GALNTL5: variants seen among roughly 807,000 people sequenced by gnomAD.
GALNTL5 encodes the protein polypeptide N-acetylgalactosaminyltransferase like 5, also known as inactive polypeptide N-acetylgalactosaminyltransferase-like protein 5.
GALNTL5 carries 44 observed loss-of-function variants against 51.0 expected under a neutral mutation model. That is an observed-to-expected ratio of 0.86 (90% CI 0.68 to 1.11). GALNTL5 has a LOEUF of 1.11. Ranked by LOEUF, GALNTL5 falls within the 50% of genes least tolerant of loss-of-function variation. The pLI is 0.00. For synonymous variants in GALNTL5, 192 were observed against 182.8 expected (o/e 1.05, Z -0.41); for missense variants, 528 against 531.8 (o/e 0.99, Z 0.07).
At chr7:151,999,941 C>T (rs2081550353) in intron 5 of GALNTL5, among the ~76,000 whole-genome samples, 1 of 152,168 alleles carries the variant, frequency 6.6e-6, no homozygotes, top group South Asian at 2.1e-4. Flanking sequence ...TGAGATGGCT[C>T]AGCCAGATTG....
chr7:152,008,063 C>T, intron 7 of GALNTL5, 119 bp downstream of exon 7: 2 of 635,114 alleles, frequency 3.1e-6, no homozygotes, highest in Non-Finnish European at 5.6e-6. Flanking sequence ...ATTCCAGCAG[C>T]ACATGCAATA....
intron 3 of GALNTL5, among the ~76,000 whole-genome samples, chr7:151,981,911 G>A (rs1563010419): frequency 1.3e-5 from 2 of 150,908 alleles, no homozygotes; most frequent in African/African-American, 4.9e-5. Context: ...GCCTCCCAAA[G>A]TGCCAGGATT....
At chr7:151,970,719 C>A (rs2049752) in intron 2 of GALNTL5, 51,030 of 311,980 alleles carry the variant, frequency 0.16, 4,611 homozygotes, top group South Asian at 0.25. Context: ...AAATAAATCT[C>A]TTTTCTTTAT....
At chr7:151,994,799 C>T (rs2081475310) in intron 5 of GALNTL5, 1 of 151,826 alleles carries the variant, frequency 6.6e-6, no homozygotes, top group Non-Finnish European at 1.5e-5. Context: ...GTTCTGTCCC[C>T]CAGGCTGGAG....
chr7:152,016,914 T>A (rs2081823431), intron 8 of GALNTL5, among the ~76,000 whole-genome samples: 1 of 151,664 alleles, frequency 6.6e-6, no homozygotes, highest in African/African-American at 2.4e-5. Flanking sequence ...GGTGGGCACC[T>A]GTAATCCCAG....
rs749451704 is a variant in GALNTL5 at position 151,970,962 on chromosome 7, AC to A, written c.266del (p.Thr89LysfsTer10). 5 of 1,603,268 alleles carry A rather than the reference AC, an allele frequency of 3.1e-6. No homozygotes were observed. The East Asian group carries it at 9.0e-5, about 29-fold the overall frequency. ...KSMLGTDFNH[T>X]NPELHKELLK... ...TCTTGCAGGTACAGATTTTAACCATACAAACCCAGAACTTCATAAAGAACTT... is the reference window on the plus strand; with the variant it reads ...TCTTGCAGGTACAGATTTTAACCATAAAACCCAGAACTTCATAAAGAACTT... On this transcript the variant is annotated frameshift_variant, in exon 3 of 9. Coordinates refer to ENST00000392800, the MANE Select transcript of GALNTL5 (RefSeq NM_145292.4). LOFTEE classifies it high-confidence loss of function.
Position 151,967,446 on chromosome 7 carries a change from A to C in GALNTL5, c.200A>C (p.His67Pro). ...GGCTCAGAGCAAATACCAAAACCTC[A>C]TGTAATAGTCAAAAGGACTGATGAA... ...IYGSEQIPKP[H>P]VIVKRTDEDK... Residue 67 changes from histidine (H) to proline (P), a missense_variant, in exon 2 of 9, where the codon CAT becomes CCT. His to Pro is a moderately conservative substitution (Grantham distance 77). Coordinates refer to ENST00000392800, the MANE Select transcript of GALNTL5 (RefSeq NM_145292.4). 1 of 1,613,990 alleles carries C rather than the reference A, an allele frequency of 6.2e-7. No individual in the cohort carries two copies. Among genetic ancestry groups the C allele is most frequent in the Non-Finnish European group, 8.5e-7 (1 of 1,179,860 alleles).
intron 5 of GALNTL5, among the ~76,000 whole-genome samples, chr7:151,989,395 C>T (rs141035226): frequency 0.031 from 4,649 of 151,384 alleles, 196 homozygotes; most frequent in African/African-American, 0.098. Flanking sequence ...TCAAATGATC[C>T]GCCCACCTCG....
intron 4 of GALNTL5, among the ~76,000 whole-genome samples, chr7:151,985,455 C>T (rs572810026): frequency 3.9e-5 from 6 of 152,156 alleles, no homozygotes; most frequent in Non-Finnish European, 5.9e-5. Flanking sequence ...CTTTAATTCA[C>T]GGTGACTTCA....
chr7:151,980,935 C>T (rs753211455), intron 3 of GALNTL5, among the ~76,000 whole-genome samples: 39 of 151,540 alleles, frequency 2.6e-4, no homozygotes, highest in African/African-American at 8.0e-4. Context: ...TTAGTAGAGA[C>T]GGGGTTTCAC....
At chr7:151,983,427 C>T (rs2081321474) in intron 4 of GALNTL5, among the ~76,000 whole-genome samples, 2 of 152,176 alleles carry the variant, frequency 1.3e-5, no homozygotes, top group Admixed American at 1.3e-4. Flanking sequence ...ATCTGTCCGC[C>T]TCAGCCTCCC....
chr7:151,983,453 C>T (rs1433217155), intron 4 of GALNTL5, among the ~76,000 whole-genome samples: 2 of 152,196 alleles, frequency 1.3e-5, no homozygotes, highest in Non-Finnish European at 2.9e-5. Flanking sequence ...GCTGGAATTA[C>T]AGGTGTGAGC....
At chr7:152,000,100 G>A (rs2081552661) in intron 5 of GALNTL5, among the ~76,000 whole-genome samples, 1 of 152,208 alleles carries the variant, frequency 6.6e-6, no homozygotes, top group Non-Finnish European at 1.5e-5. Context: ...GTGAACTAAT[G>A]TTAGTTTTCT....
At chr7:151,968,548 G>A (rs2081088284) in intron 2 of GALNTL5, among the ~76,000 whole-genome samples, 2 of 152,096 alleles carry the variant, frequency 1.3e-5, no homozygotes, top group South Asian at 4.1e-4. Flanking sequence ...TCATTTCCCC[G>A]AGGTCACACC....
rs939060550 is a variant in GALNTL5, at chr7:151,977,988, T to C, written c.369-4998T>C. ...TTTTGTCTTTCAAAAAGCCAACTTT[T>C]GATTATACTTACTAATTTTACTTTT... On this transcript the variant is annotated intron_variant, in intron 3 of 8. Transcript: ENST00000392800. 2.0e-5 allele frequency among the ~76,000 whole-genome samples: 3 copies of C among 152,300 alleles called. No homozygotes were observed. The South Asian group carries it at 6.2e-4, about 32-fold the overall frequency.
At chr7:152,005,301 A>G (rs919228057) in intron 6 of GALNTL5, among the ~76,000 whole-genome samples, 1 of 152,186 alleles carries the variant, frequency 6.6e-6, no homozygotes, top group Non-Finnish European at 1.5e-5. Flanking sequence ...CAGCTCCCTG[A>G]CATGCAGGCA....
At chr7:152,005,861 C>T (rs770493750) in intron 6 of GALNTL5, among the ~76,000 whole-genome samples, 2 of 152,110 alleles carry the variant, frequency 1.3e-5, no homozygotes, top group Non-Finnish European at 2.9e-5. Flanking sequence ...TCATCTATAA[C>T]TCTTTGATTC....
chr7:151,992,965 C>T (rs371828535), intron 5 of GALNTL5, among the ~76,000 whole-genome samples: 3 of 152,096 alleles, frequency 2.0e-5, no homozygotes, highest in African/African-American at 7.2e-5. Flanking sequence ...GGACTGGACA[C>T]GATGGCTCAT....
chr7:152,003,684 A>G (rs1387450787), intron 6 of GALNTL5, among the ~76,000 whole-genome samples: 2 of 152,216 alleles, frequency 1.3e-5, no homozygotes, highest in Admixed American at 1.3e-4. Flanking sequence ...AATATGTAGA[A>G]ATCTCAACTT....
Sources: allele counts gnomAD v4.1 joint callset (sites outside exome capture counted in the v4.1 genomes callset), GRCh38; gene constraint gnomAD v4.1.1; transcripts MANE v1.5; gene names NCBI Gene and HGNC (gene_info 2026-07-23, HGNC 2026-07-21).